ANTXRL: variants seen among roughly 807,000 people sequenced by gnomAD.
The protein encoded by ANTXRL is anthrax toxin receptor-like.
A neutral mutation model predicts 75.4 loss-of-function variants in ANTXRL; 63 were observed. The ratio of observed to expected loss-of-function variants is 0.84; its 90% CI spans 0.68 to 1.03. The LOEUF (loss-of-function observed/expected upper bound fraction) is 1.03, where lower values mean the gene tolerates loss of function less well. Ranked by LOEUF, ANTXRL falls within the 50% of genes least tolerant of loss-of-function variation. The pLI, the probability that ANTXRL is intolerant of heterozygous loss-of-function variation, is 0.00. For missense variants in ANTXRL, 797 were observed against 789.4 expected, an observed-to-expected ratio of 1.01 and a Z score of -0.12; for synonymous variants, 335 against 291.3, an observed-to-expected ratio of 1.15 and a Z score of -1.53.
intron 16 of ANTXRL, among the ~76,000 whole-genome samples, chr10:46,316,216 C>A (rs7088997): frequency 0.045 from 6,900 of 151,984 alleles, 527 homozygotes; most frequent in African/African-American, 0.16. Context: ...AATTCGTGTG[C>A]GCACCACAGC....
At chr10:46,308,428 C>T (rs1838227298) in intron 12 of ANTXRL, 1 of 384,778 alleles carries the variant, frequency 2.6e-6, no homozygotes, top group South Asian at 1.9e-5. Flanking sequence ...CCCTCCCCTC[C>T]TCTCCACTCC....
chr10:46,300,268 G>C (rs1247686759), intron 9 of ANTXRL, among the ~76,000 whole-genome samples: 2 of 152,244 alleles, frequency 1.3e-5, no homozygotes, highest in African/African-American at 2.4e-5. Context: ...GAGGGAAAGG[G>C]CAAGGCAGGA....
intron 16 of ANTXRL, among the ~76,000 whole-genome samples, chr10:46,324,805 A>G (rs544139808): frequency 3.3e-5 from 5 of 152,282 alleles, no homozygotes; most frequent in Admixed American, 6.5e-5. Flanking sequence ...CAGGAGAGTC[A>G]GGAAACTCTA....
intron 16 of ANTXRL, among the ~76,000 whole-genome samples, chr10:46,318,334 G>T (rs1036398827): frequency 1.3e-5 from 2 of 152,082 alleles, no homozygotes; most frequent in Non-Finnish European, 2.9e-5. Flanking sequence ...GCTGACCCAT[G>T]ATGAAAAGAA....
chr10:46,304,470 G>A (rs1298535155), intron 10 of ANTXRL, among the ~76,000 whole-genome samples: 1 of 152,006 alleles, frequency 6.6e-6, no homozygotes, highest in African/African-American at 2.4e-5. Flanking sequence ...CTAGTCCAAG[G>A]CTGGACAGGC....
At chr10:46,308,427 C>G in intron 12 of ANTXRL, 1 of 382,156 alleles carries the variant, frequency 2.6e-6, no homozygotes, top group South Asian at 1.9e-5. Flanking sequence ...CCCCTCCCCT[C>G]CTCTCCACTC....
At chr10:46,291,058 T>C (rs1554956306) in intron 1 of ANTXRL, among the ~76,000 whole-genome samples, 1 of 152,126 alleles carries the variant, frequency 6.6e-6, no homozygotes, top group Admixed American at 6.6e-5. Flanking sequence ...AGCTTAAAAG[T>C]TTTAGCCTTT....
At chr10:46,293,363 TGA>T (rs782361432) in intron 2 of ANTXRL, among the ~76,000 whole-genome samples, 2 of 145,642 alleles carry the variant, frequency 1.4e-5, no homozygotes, top group African/African-American at 2.6e-5. Context: ...TGTGTGCATG[TGA>T]GTGTGCCTGT....
At position 46,330,110 on chromosome 10, in the gene ANTXRL, G is replaced by C; in HGVS notation, c.*26G>C. The C allele has an allele frequency of 2.7e-6, 4 of 1,478,710 alleles. No individual in the cohort carries two copies. The highest frequency in any genetic ancestry group is 3.6e-6 in the Non-Finnish European group (4 of 1,117,896). The allele number at this position is 1,478,710 out of a possible 1,614,324, so 91.6% of individuals were successfully genotyped here. A position where few individuals can be genotyped will look rare whatever the true frequency, so the allele number is the denominator to read the frequency against. ...GGCACCAAACACCCAAGATTAACAG[G>C]CTTTTGTTGCTGAACTGGACATATA... On this transcript the variant is annotated 3_prime_UTR_variant, in exon 17 of 17. Transcript: ENST00000620264.
At chr10:46,291,612 C>T (rs1414416434) in intron 1 of ANTXRL, among the ~76,000 whole-genome samples, 1 of 152,156 alleles carries the variant, frequency 6.6e-6, no homozygotes, top group Non-Finnish European at 1.5e-5. Flanking sequence ...TTTCAGTACA[C>T]ATTTCTTTAG....
At chr10:46,292,462 G>A (rs1837033953) in intron 2 of ANTXRL, among the ~76,000 whole-genome samples, 2 of 152,116 alleles carry the variant, frequency 1.3e-5, no homozygotes, top group South Asian at 2.1e-4. Context: ...TCAAGTAGGG[G>A]GCAAAGAACT....
chr10:46,296,839 C>A (rs1273120457), intron 5 of ANTXRL, among the ~76,000 whole-genome samples: 5 of 152,156 alleles, frequency 3.3e-5, no homozygotes, highest in Non-Finnish European at 7.4e-5. Flanking sequence ...CAAGACCTGG[C>A]CCCCTGGGAG....
At chr10:46,312,880 C>T (rs1554963841) in intron 15 of ANTXRL, among the ~76,000 whole-genome samples, 3 of 151,926 alleles carry the variant, frequency 2.0e-5, no homozygotes, top group South Asian at 2.1e-4. Context: ...AGCAAGGCTC[C>T]TTCTCCCTGC....
intron 2 of ANTXRL, 79 bp from the exon 3 acceptor site, chr10:46,293,750 G>C (rs1837198083): frequency 5.2e-6 from 6 of 1,157,152 alleles, no homozygotes; most frequent in African/African-American, 3.1e-5. Flanking sequence ...GTTGGGGTGG[G>C]AGGTGGGGAA....
intron 9 of ANTXRL, among the ~76,000 whole-genome samples, 152 bp downstream of exon 9, chr10:46,298,214 G>A (rs1453270919): frequency 2.0e-5 from 3 of 151,338 alleles, no homozygotes; most frequent in African/African-American, 7.3e-5. Flanking sequence ...TATGTGTTTG[G>A]TGTGTGTGGT....
chr10:46,323,975 G>T (rs536007238), intron 16 of ANTXRL, among the ~76,000 whole-genome samples: 1 of 152,154 alleles, frequency 6.6e-6, no homozygotes, highest in South Asian at 2.1e-4. Flanking sequence ...CCAGGCCAAG[G>T]AAAATGTTGA....
intron 3 of ANTXRL, among the ~76,000 whole-genome samples, chr10:46,294,451 G>A (rs1430954959): frequency 6.6e-6 from 1 of 152,110 alleles, no homozygotes; most frequent in Non-Finnish European, 1.5e-5. Flanking sequence ...AGCTCAGGAG[G>A]CTGGAGCCCA....
At chr10:46,294,658 G>A (rs1357231290) in intron 3 of ANTXRL, among the ~76,000 whole-genome samples, 2 of 152,158 alleles carry the variant, frequency 1.3e-5, no homozygotes, top group South Asian at 2.1e-4. Flanking sequence ...TGTGTCCTGC[G>A]CTGTGGGTTT....
At position 46,308,934 on chromosome 10, in the gene ANTXRL, G is replaced by A. The variant is rs145165077; in HGVS notation, c.1045-179G>A. On this transcript the variant is annotated intron_variant, in intron 12 of 16. Coordinates refer to ENST00000620264, the MANE Select transcript of ANTXRL (RefSeq NM_001278688.3). ...CAGGGCTCTGGGGCAGAGACTTTCAGCAGGGCCAGAGAAAGGGTCTATAGC... is the reference window on the plus strand; with the variant it reads ...CAGGGCTCTGGGGCAGAGACTTTCAACAGGGCCAGAGAAAGGGTCTATAGC... 2.6e-5 allele frequency among the ~76,000 whole-genome samples: 4 copies of A among 152,268 alleles called. No homozygotes were observed. The East Asian group carries it at 7.7e-4, about 29-fold the overall frequency.
Sources: allele counts gnomAD v4.1 joint callset (sites outside exome capture counted in the v4.1 genomes callset), GRCh38; gene constraint gnomAD v4.1.1; transcripts MANE v1.5; gene names NCBI Gene and HGNC (gene_info 2026-07-23, HGNC 2026-07-21).